SLC12A7: variants seen among roughly 807,000 people sequenced by gnomAD.
SLC12A7 encodes the protein solute carrier family 12 member 7.
SLC12A7 carries 100 observed loss-of-function variants against 120.6 expected under a neutral mutation model. The observed-to-expected ratio is 0.83, with a 90% CI of 0.71 to 0.98. The LOEUF (loss-of-function observed/expected upper bound fraction) is 0.98, where lower values mean the gene tolerates loss of function less well. Ranked by LOEUF, SLC12A7 falls within the 50% of genes least tolerant of loss-of-function variation. The pLI, the probability that SLC12A7 is intolerant of heterozygous loss-of-function variation, is 0.00. For missense variants in SLC12A7, 1,373 were observed against 1,548.1 expected (o/e 0.89, Z 1.90); for synonymous variants, 760 against 678.0 (o/e 1.12, Z -1.88).
At chr5:1,108,804 G>A (rs1742762255) in intron 1 of SLC12A7, among the ~76,000 whole-genome samples, 1 of 152,152 alleles carries the variant, frequency 6.6e-6, no homozygotes, top group Non-Finnish European at 1.5e-5. Flanking sequence ...TCAGATTTTG[G>A]GAGGGGGCTC....
At position 1,086,890 on chromosome 5, in the gene SLC12A7, G is replaced by A; in HGVS notation, c.675+13C>T. Reference sequence around the variant, plus strand: ...ACTGTGGGGTGGGAACCCTTCCAAAGCAGCACACTTACCAGAAAAATCTCG... The same window carrying A: ...ACTGTGGGGTGGGAACCCTTCCAAAACAGCACACTTACCAGAAAAATCTCG... On this transcript the variant is annotated intron_variant, in intron 6 of 23. Coordinates refer to ENST00000264930, the MANE Select transcript of SLC12A7 (RefSeq NM_006598.3). The A allele has an allele frequency of 6.2e-7, 1 of 1,612,146 alleles. No homozygotes were observed. The highest frequency in any genetic ancestry group is 8.5e-7 in the Non-Finnish European group (1 of 1,179,388).
At chr5:1,053,035 A>C (rs146276086) in intron 23 of SLC12A7, among the ~76,000 whole-genome samples, 22 of 152,326 alleles carry the variant, frequency 1.4e-4, no homozygotes, top group African/African-American at 5.0e-4. Flanking sequence ...AGGTCCCAGA[A>C]TGCACAGCTG....
chr5:1,147,981 C>T, the SLC12A7 span, among the ~76,000 whole-genome samples: 3 of 152,040 alleles, frequency 2.0e-5, no homozygotes, highest in East Asian at 1.9e-4. Context: ...ACAATTCCCC[C>T]ACCTCAGCCT....
In SLC12A7 at chr5:1,085,240, CG is replaced by C; in HGVS notation, c.908del (p.Pro303ArgfsTer129). The C allele has an allele frequency of 6.2e-7, 1 of 1,612,368 alleles. No individual in the cohort carries two copies. Among genetic ancestry groups the C allele is most frequent in the Non-Finnish European group, 8.5e-7 (1 of 1,179,764 alleles). On this transcript the variant is annotated frameshift_variant, in exon 7 of 24. Coordinates refer to ENST00000264930, the MANE Select transcript of SLC12A7 (RefSeq NM_006598.3). LOFTEE classifies it high-confidence loss of function. ...AGVIKSAFDPPDIPVCLLGNR... is the reference protein window; with the variant it reads ...AGVIKSAFDPXDIPVCLLGNR... Reference sequence around the variant, plus strand: ...GAGGCCCCGAGACTCACGGGATGTCCGGGGGGTCGAAGGCAGACTTGATGAC... The same window carrying C: ...GAGGCCCCGAGACTCACGGGATGTCCGGGGGTCGAAGGCAGACTTGATGAC...
chr5:1,062,083 G>C (rs371967355), intron 20 of SLC12A7, among the ~76,000 whole-genome samples: 4 of 152,192 alleles, frequency 2.6e-5, no homozygotes, highest in Non-Finnish European at 5.9e-5. Context: ...GGGAGCATGG[G>C]GGGTGCTGGG....
the SLC12A7 span, among the ~76,000 whole-genome samples, chr5:1,152,498 A>G: frequency 6.6e-6 from 1 of 152,196 alleles, no homozygotes; most frequent in Middle Eastern, 3.2e-3. Context: ...TCCCAATGGC[A>G]TGTTTACATC....
chr5:1,097,898 C>T (rs575065029), intron 1 of SLC12A7, among the ~76,000 whole-genome samples: 2 of 151,846 alleles, frequency 1.3e-5, no homozygotes, highest in African/African-American at 2.4e-5. Context: ...CCACAGCAAG[C>T]GTGCTCTCAG....
the SLC12A7 span, among the ~76,000 whole-genome samples, chr5:1,152,541 GAAGGGAGACCTCCCTGGT>G: frequency 6.6e-6 from 1 of 152,190 alleles, no homozygotes; most frequent in African/African-American, 2.4e-5. Context: ...ATCCCCTAGA[GAAGGGAGACCTCCCTGGT>G]AAGGGAGATC....
intron 20 of SLC12A7, among the ~76,000 whole-genome samples, chr5:1,062,700 A>AGGGACTGG (rs1375195177): frequency 8.3e-4 from 4 of 4,822 alleles, no homozygotes; most frequent in African/African-American, 1.1e-3. Context: ...TGGGGGACTG[A>AGGGACTGG]GGGACTGGGG....
chr5:1,081,833 T>C, intron 8 of SLC12A7, 89 bp from the exon 9 acceptor site: 2 of 1,485,140 alleles, frequency 1.3e-6, no homozygotes, highest in Non-Finnish European at 1.8e-6. Flanking sequence ...CAGGTGCCAC[T>C]GGTGGCCGGA....
rs532322568 is a variant in SLC12A7, at chr5:1,073,548, C to G, written c.2241+85G>C. On this transcript the variant is annotated intron_variant, in intron 17 of 23. Coordinates refer to ENST00000264930, the MANE Select transcript of SLC12A7 (RefSeq NM_006598.3). ...CGCCACGCACAGCACCGTGTTGACA[C>G]GCTGCGATGAGGACATGCCAGGGCA... 65 of 1,425,482 alleles carry G rather than the reference C, an allele frequency of 4.6e-5. No homozygotes were observed. The African/African-American group carries it at 9.1e-4, about 20-fold the overall frequency. 88.3% of individuals were successfully genotyped at this position (1,425,482 alleles called of 1,614,324 possible).
At chr5:1,073,465 C>T (rs1737932692) in intron 17 of SLC12A7, among the ~76,000 whole-genome samples, 168 bp downstream of exon 17, 1 of 152,220 alleles carries the variant, frequency 6.6e-6, no homozygotes, top group Non-Finnish European at 1.5e-5. Flanking sequence ...GCTGGTGCTC[C>T]CAGGCCTTAG....
the SLC12A7 span, among the ~76,000 whole-genome samples, chr5:1,119,056 G>A: frequency 3.3e-5 from 5 of 152,346 alleles, no homozygotes; most frequent in East Asian, 5.8e-4. Flanking sequence ...TTGTGGCCCC[G>A]CATCTGGTGT....
the SLC12A7 span, among the ~76,000 whole-genome samples, chr5:1,117,933 G>A: frequency 3.0e-4 from 46 of 152,266 alleles, no homozygotes; most frequent in African/African-American, 1.1e-3. The surrounding 1 kb of genome is among the most constrained non-coding windows in gnomAD (Gnocchi z 4.5). Flanking sequence ...AACATTAGCC[G>A]GTCATGGTGG....
Position 1,053,419 on chromosome 5 carries a change from CTTG to C in SLC12A7, c.3087_3089del (p.Asn1029del). On this transcript the variant is annotated inframe_deletion, in exon 23 of 24. Transcript: ENST00000264930. The stretch of plus-strand genomic sequence containing the variant: ...GCAGGACCAGCTGCGCATCCTGGGA[CTTG>C]TTGAGGACGACGCCATTGAGCTTCA... 2 of 1,614,006 alleles carry C rather than the reference CTTG, an allele frequency of 1.2e-6. No homozygotes were observed. Among genetic ancestry groups the C allele is most frequent in the African/African-American group, 1.3e-5 (1 of 75,072 alleles).
At chr5:1,083,452 G>C (rs868538928) in intron 8 of SLC12A7, among the ~76,000 whole-genome samples, 1 of 152,210 alleles carries the variant, frequency 6.6e-6, no homozygotes. Context: ...TCTTAACACA[G>C]CAAGTTCCCC....
At chr5:1,087,075 T>TG in intron 5 of SLC12A7, 42 bp from the exon 6 acceptor site, 1 of 1,579,318 alleles carries the variant, frequency 6.3e-7, no homozygotes, top group Non-Finnish European at 8.6e-7. Flanking sequence ...GGGGCGCACT[T>TG]GGACTCGGAC....
chr5:1,133,267 C>G, the SLC12A7 span, among the ~76,000 whole-genome samples: 2 of 152,218 alleles, frequency 1.3e-5, no homozygotes, highest in Non-Finnish European at 2.9e-5. Context: ...AACCAGGCGC[C>G]CTGCGCTGGG....
intron 20 of SLC12A7, among the ~76,000 whole-genome samples, chr5:1,061,451 CG>C (rs1736255532): frequency 1.4e-5 from 1 of 69,560 alleles, no homozygotes; most frequent in Non-Finnish European, 3.4e-5. Flanking sequence ...ACCCGCCGTG[CG>C]GGATCCCTGA....
Sources: gnomAD v4.1 joint callset for allele counts (sites outside exome capture counted in the v4.1 genomes callset) on GRCh38, gnomAD v4.1.1 for gene constraint, Gnocchi (gnomAD v3.1) non-coding constraint, MANE v1.5 for transcripts, NCBI Gene and HGNC (gene_info 2026-07-23, HGNC 2026-07-21) for gene names.